The following DNM1L variants were observed in gnomAD, a reference collection of about 807,000 sequenced individuals.
The protein encoded by DNM1L is dynamin-1-like protein.
Under a neutral mutation model 92.8 loss-of-function variants are expected in DNM1L, and 33 were observed. The observed-to-expected ratio is 0.36, with a 90% confidence interval of 0.27 to 0.48. DNM1L has a LOEUF of 0.48. Among genes scored for constraint, DNM1L ranks in the 20% least tolerant of loss-of-function variants. The pLI is 0.99. For synonymous variants in DNM1L, 284 were observed against 305.0 expected, an observed-to-expected ratio of 0.93 and a Z score of 0.72; for missense variants, 485 against 888.8, an observed-to-expected ratio of 0.55 and a Z score of 5.78.
intron 2 of DNM1L, chr12:32,705,708 G>C: frequency 1.1e-6 from 1 of 910,646 alleles, no homozygotes; most frequent in Non-Finnish European, 1.7e-6. Flanking sequence ...TTGAATAATT[G>C]AATGCTATGT....
chr12:32,736,947 CTTAT>C, intron 13 of DNM1L, 154 bp from the exon 14 acceptor site: 1 of 710,840 alleles, frequency 1.4e-6, no homozygotes. Flanking sequence ...TAAATGATTT[CTTAT>C]TTATTTTAAA....
chr12:32,693,839 T>C (rs926815489), intron 1 of DNM1L, among the ~76,000 whole-genome samples: 2 of 152,154 alleles, frequency 1.3e-5, no homozygotes, highest in Non-Finnish European at 2.9e-5. Flanking sequence ...GGTTTCACCA[T>C]GTTGCCCAGG....
At position 32,706,822 on chromosome 12, in the gene DNM1L, A is replaced by G. The variant is rs1157738881; in HGVS notation, c.251-545A>G. On this transcript the variant is annotated intron_variant, in intron 2 of 19. Transcript: ENST00000549701. ...CAAGTTGTGGCTCTACAGGTAACCA[A>G]CAGGAAACCAAATTTTTAAAAAGAA... 7.8e-6 allele frequency: 3 copies of G among 386,820 alleles called. No homozygotes were observed. In the Admixed American group the frequency reaches 1.1e-4, roughly 14 times the overall value. The allele number at this position is 386,820 out of a possible 1,614,324, so 24.0% of individuals were successfully genotyped here.
chr12:32,715,023 A>G (rs923955788), intron 6 of DNM1L, among the ~76,000 whole-genome samples: 9 of 151,796 alleles, frequency 5.9e-5, no homozygotes, highest in African/African-American at 2.2e-4. Context: ...CCTGTTAAGC[A>G]TTTTATATGT....
intron 1 of DNM1L, among the ~76,000 whole-genome samples, chr12:32,682,277 C>T (rs1951835668): frequency 6.6e-6 from 1 of 152,130 alleles, no homozygotes. Context: ...GGATTACAGG[C>T]ATGCACCACC....
Position 32,706,718 on chromosome 12 carries a change from G to A in DNM1L, c.251-649G>A, listed in dbSNP as rs534182792. The stretch of plus-strand genomic sequence containing the variant: ...CAAGGGAAAACAGTCTTGACCCTGG[G>A]GGAAAATCACCTTGAAAGTGTGTGT... On this transcript the variant is annotated intron_variant, in intron 2 of 19. Transcript: ENST00000549701. The A allele has an allele frequency of 8.1e-4, 368 of 454,314 alleles. 1 individual carries two copies. The highest frequency in any genetic ancestry group is 7.8e-3 in the Middle Eastern group (24 of 3,066). 28.1% of individuals were successfully genotyped at this position (454,314 alleles called of 1,614,324 possible).
intron 6 of DNM1L, among the ~76,000 whole-genome samples, chr12:32,717,644 C>A: frequency 7.1e-5 from 6 of 84,544 alleles, no homozygotes; most frequent in Admixed American, 1.9e-4. Context: ...ATACATATAC[C>A]TAGGTAGATA....
rs756992208 is a variant in DNM1L at position 32,713,184 on chromosome 12, C to T, written c.457-25C>T. 3.1e-6 allele frequency: 5 copies of T among 1,612,958 alleles called. No homozygotes were observed. The East Asian group carries it at 6.7e-5, about 22-fold the overall frequency. ...CTGAGTTGATTTTTAATTATTAGTTCCTTGCTCATCTCTGTTTGGTTTAGG... is the reference window on the plus strand; with the variant it reads ...CTGAGTTGATTTTTAATTATTAGTTTCTTGCTCATCTCTGTTTGGTTTAGG... On this transcript the variant is annotated intron_variant, in intron 5 of 19. Coordinates refer to ENST00000549701, the MANE Select transcript of DNM1L (RefSeq NM_012062.5).
At chr12:32,735,952 A>T (rs923716221) in intron 13 of DNM1L, among the ~76,000 whole-genome samples, 10 of 152,068 alleles carry the variant, frequency 6.6e-5, no homozygotes, top group African/African-American at 2.4e-4. Context: ...TTCATGAAAT[A>T]CTTCCTACTT....
chr12:32,737,741 T>G, intron 14 of DNM1L, 124 bp from the exon 15 acceptor site: 1 of 772,646 alleles, frequency 1.3e-6, no homozygotes, highest in Non-Finnish European at 2.3e-6. Flanking sequence ...TCTCCCATGA[T>G]TATTTTCATC....
intron 9 of DNM1L, chr12:32,729,088 G>GCCGAAATTCTTA (rs1555124891): frequency 6.7e-6 from 1 of 150,070 alleles, no homozygotes. Context: ...ACTGTGCCCA[G>GCCGAAATTCTTA]TCCCCCTTTT....
chr12:32,679,578 C>A, intron 1 of DNM1L, 113 bp downstream of exon 1: 1 of 1,443,254 alleles, frequency 6.9e-7, no homozygotes, highest in Non-Finnish European at 9.3e-7. Flanking sequence ...GCCTTTGGGG[C>A]CTGTGGGAGG....
At chr12:32,715,719 AG>A (rs1426977734) in intron 6 of DNM1L, among the ~76,000 whole-genome samples, 1 of 150,184 alleles carries the variant, frequency 6.7e-6, no homozygotes, top group East Asian at 1.9e-4. Context: ...ACAACAGAGT[AG>A]GACAGTCTCA....
intron 18 of DNM1L, among the ~76,000 whole-genome samples, chr12:32,741,898 CTAA>C (rs1565547052): frequency 6.6e-6 from 1 of 152,058 alleles, no homozygotes; most frequent in Admixed American, 6.5e-5. Context: ...ATGAAATCAC[CTAA>C]TAATGCATTT....
At chr12:32,727,594 C>T (rs1954236217) in intron 9 of DNM1L, 1 of 489,226 alleles carries the variant, frequency 2.0e-6, no homozygotes, top group Non-Finnish European at 3.6e-6. Context: ...TTGACCTAGG[C>T]ATTTTTGTAT....
chr12:32,720,981 A>G (rs1953776812), intron 8 of DNM1L, among the ~76,000 whole-genome samples, 186 bp downstream of exon 8: 1 of 152,198 alleles, frequency 6.6e-6, no homozygotes, highest in Non-Finnish European at 1.5e-5. Flanking sequence ...TTACATCATC[A>G]CGTAGTCTAG....
chr12:32,736,546 G>A (rs1954895669), intron 13 of DNM1L, among the ~76,000 whole-genome samples: 1 of 152,174 alleles, frequency 6.6e-6, no homozygotes, highest in African/African-American at 2.4e-5. Context: ...GAAAGGACTA[G>A]CAGTTGTCAA....
chr12:32,695,278 A>T (rs1005729017), intron 1 of DNM1L, among the ~76,000 whole-genome samples: 14 of 152,206 alleles, frequency 9.2e-5, no homozygotes, highest in African/African-American at 2.7e-4. Flanking sequence ...GTCAAATGTC[A>T]TGCAAATTTT....
At chr12:32,694,327 G>A (rs1476563021) in intron 1 of DNM1L, among the ~76,000 whole-genome samples, 6 of 152,168 alleles carry the variant, frequency 3.9e-5, no homozygotes, top group South Asian at 2.1e-4. Context: ...CTTGTGATCC[G>A]CCTGCCTTGG....
Sources: allele counts gnomAD v4.1 joint callset (sites outside exome capture counted in the v4.1 genomes callset), GRCh38; gene constraint gnomAD v4.1.1; transcripts MANE v1.5; gene names NCBI Gene and HGNC (gene_info 2026-07-23, HGNC 2026-07-21).